The following TANC2 variants were observed in gnomAD, a reference collection of about 807,000 sequenced individuals.
The protein encoded by TANC2 is tetratricopeptide repeat, ankyrin repeat and coiled-coil containing 2, also known as protein TANC2.
TANC2 carries 26 observed loss-of-function variants against 210.5 expected under a neutral mutation model. The ratio of observed to expected loss-of-function variants is 0.12; its 90% CI spans 0.09 to 0.17. The LOEUF (loss-of-function observed/expected upper bound fraction) is 0.17. TANC2 is among the 10% of genes least tolerant of loss of function. TANC2 has a pLI of 1.00. For missense variants in TANC2, 2,129 were observed against 2,608.9 expected (o/e 0.82, Z 4.01); for synonymous variants, 931 against 967.1 (o/e 0.96, Z 0.69).
rs200347698 is a variant in TANC2, at chr17:63,318,982, A to G, written c.1467A>G (p.Pro489=). 203 of 1,613,258 alleles carry G rather than the reference A, an allele frequency of 1.3e-4. 1 individual carries two copies. The African/African-American group carries it at 2.5e-3, about 20-fold the overall frequency. The change falls in exon 11 of 28, where the codon CCA becomes CCG. Residue 489 remains proline, a synonymous_variant. Coordinates refer to ENST00000689528, the Ensembl canonical transcript of TANC2. ...ATGTGGATGCCAACAGAGAGCTGCC[A>G]CTCACACAGCCACCTTCAGCCCACT...
intron 14 of TANC2, among the ~76,000 whole-genome samples, chr17:63,378,129 G>A (rs2047484268): frequency 6.6e-6 from 1 of 152,168 alleles, no homozygotes; most frequent in African/African-American, 2.4e-5. Context: ...AGTGTCAGCA[G>A]TTCTTAGAGG....
intron 2 of TANC2, among the ~76,000 whole-genome samples, chr17:63,015,831 T>C (rs1025619258): frequency 2.6e-5 from 4 of 152,060 alleles, no homozygotes; most frequent in Non-Finnish European, 5.9e-5. Context: ...ATATATTAAA[T>C]GTTTATATAT....
intron 2 of TANC2, among the ~76,000 whole-genome samples, chr17:63,020,365 G>T (rs2034296502): frequency 6.6e-6 from 1 of 151,796 alleles, no homozygotes; most frequent in South Asian, 2.1e-4. Context: ...GTTCAGTGGT[G>T]TCATCATAGC....
intron 8 of TANC2, among the ~76,000 whole-genome samples, chr17:63,253,763 G>T (rs2043115174): frequency 6.6e-6 from 1 of 152,030 alleles, no homozygotes; most frequent in Non-Finnish European, 1.5e-5. Context: ...GGAACTATAG[G>T]TGTGTGCCAC....
intron 7 of TANC2, among the ~76,000 whole-genome samples, chr17:63,214,259 T>G (rs2041966751): frequency 6.6e-6 from 1 of 152,106 alleles, no homozygotes; most frequent in Non-Finnish European, 1.5e-5. Flanking sequence ...GCACATGAGG[T>G]AAGGTATTGA....
chr17:63,280,174 G>A (rs779711951), intron 9 of TANC2, among the ~76,000 whole-genome samples: 1 of 151,840 alleles, frequency 6.6e-6, no homozygotes, highest in Non-Finnish European at 1.5e-5. Context: ...ACTTGCCCAG[G>A]GTAATAGAAT....
At chr17:63,341,472 T>C (rs769608522) in intron 12 of TANC2, among the ~76,000 whole-genome samples, 10 of 152,256 alleles carry the variant, frequency 6.6e-5, no homozygotes, top group Non-Finnish European at 1.0e-4. Flanking sequence ...ATATCTATAA[T>C]TACCTCATCC....
At chr17:62,980,183 G>A (rs1053354393) in intron 1 of TANC2, among the ~76,000 whole-genome samples, 3 of 152,062 alleles carry the variant, frequency 2.0e-5, no homozygotes, top group African/African-American at 7.2e-5. Context: ...TCTTCCTGAG[G>A]GCACTCCTTC....
intron 4 of TANC2, 136 bp downstream of exon 4, chr17:63,099,493 T>TAAAAA: frequency 2.5e-5 from 9 of 359,424 alleles, no homozygotes; most frequent in East Asian, 4.5e-5. Context: ...CTCTTGACAC[T>TAAAAA]AAAAAAAAAA....
chr17:63,116,829 T>G (rs999560222), intron 4 of TANC2, among the ~76,000 whole-genome samples: 7 of 152,182 alleles, frequency 4.6e-5, no homozygotes, highest in Non-Finnish European at 8.8e-5. Context: ...CTGTATAATT[T>G]TAACACTTAA....
intron 14 of TANC2, among the ~76,000 whole-genome samples, chr17:63,371,918 T>C (rs2047280307): frequency 6.6e-6 from 1 of 152,186 alleles, no homozygotes; most frequent in Non-Finnish European, 1.5e-5. Flanking sequence ...GTGAGTGTCA[T>C]TTGTCTCCAG....
At chr17:63,052,300 T>C (rs546213176) in intron 2 of TANC2, among the ~76,000 whole-genome samples, 24 of 152,300 alleles carry the variant, frequency 1.6e-4, no homozygotes, top group African/African-American at 5.8e-4. Context: ...TAATTAATTT[T>C]CCTAAAGTCA....
At chr17:63,237,966 G>C (rs763783613) in exon 8 of TANC2, 1 of 1,587,510 alleles carries the variant, frequency 6.3e-7, no homozygotes, top group Non-Finnish European at 8.6e-7. Context: ...AAACATGACT[G>C]CTTCCACCTA....
intron 10 of TANC2, among the ~76,000 whole-genome samples, chr17:63,315,833 C>T (rs755822049): frequency 2.0e-5 from 3 of 152,140 alleles, no homozygotes; most frequent in Non-Finnish European, 2.9e-5. Context: ...GGATGTCTAA[C>T]GTGGAAGAAC....
At position 63,421,133 on chromosome 17, in the gene TANC2, C is replaced by A. The variant is rs766127499; in HGVS notation, c.5403C>A (p.Ile1801=). 2 of 1,613,978 alleles carry A rather than the reference C, an allele frequency of 1.2e-6. No homozygotes were observed. Among genetic ancestry groups the A allele is most frequent in the Non-Finnish European group, 1.7e-6 (2 of 1,179,890 alleles). ...TGAGATACAGCCAGACACCACAGAT[C>A]GGACGCAGCCAGTCAGCATCCTATT... The change falls in exon 28 of 28, where the codon ATC becomes ATA. Residue 1801 remains isoleucine (I), a synonymous_variant. Coordinates refer to ENST00000689528, the Ensembl canonical transcript of TANC2. The surrounding 1 kb of genome is among the most constrained non-coding windows in gnomAD (Gnocchi z 6.9).
intron 9 of TANC2, among the ~76,000 whole-genome samples, chr17:63,304,892 A>G (rs899206298): frequency 6.6e-6 from 1 of 152,204 alleles, no homozygotes; most frequent in African/African-American, 2.4e-5. Flanking sequence ...TCAGCTGTGA[A>G]GGACACCTCT....
chr17:63,096,161 AGATTG>A (rs1488808261), intron 3 of TANC2, among the ~76,000 whole-genome samples: 1 of 152,190 alleles, frequency 6.6e-6, no homozygotes, highest in African/African-American at 2.4e-5. Flanking sequence ...TATTCATGAA[AGATTG>A]GAAATCAAGG....
At chr17:63,033,424 A>G (rs1467109284) in intron 2 of TANC2, among the ~76,000 whole-genome samples, 1 of 152,158 alleles carries the variant, frequency 6.6e-6, no homozygotes, top group Non-Finnish European at 1.5e-5. Context: ...CTCTCCTGGT[A>G]GTAAAATACC....
At chr17:63,094,665 A>G (rs960328156) in intron 3 of TANC2, among the ~76,000 whole-genome samples, 2 of 152,154 alleles carry the variant, frequency 1.3e-5, no homozygotes, top group African/African-American at 4.8e-5. Flanking sequence ...AATATCTAAT[A>G]ATCATTTATG....
Sources: gnomAD v4.1 joint callset for allele counts (sites outside exome capture counted in the v4.1 genomes callset) on GRCh38, gnomAD v4.1.1 for gene constraint, Gnocchi (gnomAD v3.1) non-coding constraint, MANE v1.5 for transcripts, NCBI Gene and HGNC (gene_info 2026-07-23, HGNC 2026-07-21) for gene names.